Variants in PROC observed in about 807,000 individuals in gnomAD.
PROC encodes the protein vitamin K-dependent protein C.
Under a neutral mutation model 36.3 loss-of-function variants are expected in PROC, and 22 were observed. The observed-to-expected ratio is 0.61, with a 90% CI of 0.43 to 0.86. The LOEUF (loss-of-function observed/expected upper bound fraction) is 0.86. PROC is among the 40% of genes least tolerant of loss of function. PROC has a pLI of 0.00. For missense variants in PROC, 526 were observed against 629.7 expected (o/e 0.84, Z 1.76); for synonymous variants, 218 against 244.5 (o/e 0.89, Z 1.01).
At chr2:127,424,460 A>G (rs938492932) in intron 6 of PROC, among the ~76,000 whole-genome samples, 46 of 152,282 alleles carry the variant, frequency 3.0e-4, no homozygotes, top group African/African-American at 1.1e-3. Flanking sequence ...TGGCCTCCTA[A>G]AGTGCTGGGA....
At chr2:127,427,492 A>T (rs1245872542) in intron 8 of PROC, among the ~76,000 whole-genome samples, 2 of 151,820 alleles carry the variant, frequency 1.3e-5, no homozygotes, top group Non-Finnish European at 1.5e-5. Flanking sequence ...GGCTACACAG[A>T]CCTTCACCTC....
intron 3 of PROC, among the ~76,000 whole-genome samples, chr2:127,422,058 C>T (rs1688128832): frequency 6.6e-6 from 1 of 152,186 alleles, no homozygotes; most frequent in Non-Finnish European, 1.5e-5. Context: ...CCCTGGGGAT[C>T]GCTTCAGCCA....
At chr2:127,419,187 C>G (rs1687944880) in intron 1 of PROC, among the ~76,000 whole-genome samples, 1 of 152,158 alleles carries the variant, frequency 6.6e-6, no homozygotes, top group Admixed American at 6.5e-5. Flanking sequence ...CAACGGAGAC[C>G]AGCAAGGGTT....
intron 8 of PROC, among the ~76,000 whole-genome samples, chr2:127,428,019 C>G (rs1195381364): frequency 6.6e-6 from 1 of 152,218 alleles, no homozygotes; most frequent in Non-Finnish European, 1.5e-5. Context: ...TGGTCTGTGT[C>G]TGGGGTTTCC....
intron 6 of PROC, chr2:127,423,697 C>A: frequency 2.2e-6 from 1 of 449,158 alleles, no homozygotes. Flanking sequence ...GAGCGCAAGC[C>A]CAGTGGTGGC....
rs113600011 is a variant in PROC, at chr2:127,425,720, TTGACTGAC to T, written c.536-350_536-343del. 6.5e-4 allele frequency among the ~76,000 whole-genome samples: 99 copies of T among 152,084 alleles called. 1 individual carries two copies. The highest frequency in any genetic ancestry group is 2.3e-3 in the African/African-American group (94 of 41,444). ...TCTTGCCATTGGGTGGTACTGTTTG[TTGACTGAC>T]TGACTGACTGACTGGAGGGGGTTTG... On this transcript the variant is annotated intron_variant, in intron 6 of 8. Transcript: ENST00000234071.
intron 7 of PROC, 51 bp from the exon 8 acceptor site, chr2:127,427,054 G>A (rs1688550551): frequency 1.3e-6 from 2 of 1,488,576 alleles, no homozygotes; most frequent in African/African-American, 1.4e-5. Flanking sequence ...GCCCTGGACT[G>A]GAGGCTGTCA....
chr2:127,421,213 G>T, intron 2 of PROC, 70 bp from the exon 3 acceptor site: 1 of 1,524,074 alleles, frequency 6.6e-7, no homozygotes, highest in African/African-American at 1.4e-5. Context: ...TGCTTCCTCA[G>T]ACCCCCTCAT....
intron 5 of PROC, 46 bp from the exon 6 acceptor site, chr2:127,423,228 G>A (rs2104953948): frequency 6.5e-7 from 1 of 1,527,654 alleles, no homozygotes; most frequent in African/African-American, 1.4e-5. Flanking sequence ...GCCGGGTTGG[G>A]GGCGCGGCAC....
At chr2:127,423,217 G>A (rs900720406) in intron 5 of PROC, 46 bp downstream of exon 5, 1 of 1,521,276 alleles carries the variant, frequency 6.6e-7, no homozygotes, top group Non-Finnish European at 8.8e-7. Context: ...GCGGGGCTGG[G>A]GCCGGGTTGG....
At chr2:127,419,522 C>T (rs1232925881) in intron 1 of PROC, among the ~76,000 whole-genome samples, 17 of 152,206 alleles carry the variant, frequency 1.1e-4, no homozygotes, top group Admixed American at 1.1e-3. Flanking sequence ...GGAATTTGCA[C>T]CGTGCAGTCT....
At position 127,423,405 on chromosome 2, in the gene PROC, G is replaced by A. The variant is rs1254257945; in HGVS notation, c.532G>A (p.Ala178Thr). Residue 178 changes from alanine to threonine, a missense_variant, in exon 6 of 9, where the codon GCA becomes ACA. Transcript: ENST00000234071. ...LGDDLLQCHP[A>T]VKFPCGRPWK... ...GGACGACCTCCTGCAGTGTCACCCCGCAGGTGAGAAGCCCCCAATACATCG... is the reference window on the plus strand; with the variant it reads ...GGACGACCTCCTGCAGTGTCACCCCACAGGTGAGAAGCCCCCAATACATCG... 2 of 1,549,698 alleles carry A rather than the reference G, an allele frequency of 1.3e-6. No individual in the cohort carries two copies. Among genetic ancestry groups the A allele is most frequent in the Non-Finnish European group, 1.7e-6 (2 of 1,146,876 alleles).
chr2:127,425,683 G>A (rs954182797), intron 6 of PROC, among the ~76,000 whole-genome samples: 1 of 152,130 alleles, frequency 6.6e-6, no homozygotes, highest in Non-Finnish European at 1.5e-5. Flanking sequence ...GGGCGATGCT[G>A]CCTGGCCTGA....
chr2:127,426,131 C>T lies in PROC; in HGVS notation c.582C>T (p.Arg194=), dbSNP rs1187649699. 6.2e-7 allele frequency: 1 copy of T among 1,614,094 alleles called. No homozygotes were observed. Among genetic ancestry groups the T allele is most frequent in the South Asian group, 1.1e-5 (1 of 91,086 alleles). ...GRPWKRMEKK[R]SHLKRDTEDQ... is the part of the protein sequence containing the mutation. ...CCTGGAAGCGGATGGAGAAGAAGCG[C>T]AGTCACCTGAAACGAGACACAGAAG... Residue 194 remains arginine, a synonymous_variant, in exon 7 of 9, where the codon CGC becomes CGT. Coordinates refer to ENST00000234071, the MANE Select transcript of PROC (RefSeq NM_000312.4). The surrounding 1 kb of genome is among the most constrained non-coding windows in gnomAD (Gnocchi z 7.0).
chr2:127,426,523 C>T lies in PROC; in HGVS notation c.678+296C>T. 1 of 461,380 alleles carries T rather than the reference C, an allele frequency of 2.2e-6. No individual in the cohort carries two copies. The highest frequency in any genetic ancestry group is 2.1e-5 in the South Asian group (1 of 47,364). The allele number at this position is 461,380 out of a possible 1,614,324, so 28.6% of individuals were successfully genotyped here. ...CTGCTGGCGGGATTTTAGGCAGAAG[C>T]CCTGCTGATGGGAGAGGGCTAGGAG... is the stretch of plus-strand genomic sequence containing the variant. On this transcript the variant is annotated intron_variant, in intron 7 of 8. Transcript: ENST00000234071. This position sits in a 1 kb window ranked among gnomAD's most constrained non-coding sequence, Gnocchi z 7.0.
At chr2:127,422,241 C>G (rs1688139803) in intron 3 of PROC, among the ~76,000 whole-genome samples, 1 of 152,242 alleles carries the variant, frequency 6.6e-6, no homozygotes. Flanking sequence ...ACCTCTTTCC[C>G]CAGTGGCCTC....
intron 1 of PROC, 23 bp from the exon 2 acceptor site, chr2:127,419,899 C>T (rs368232906): frequency 6.9e-5 from 111 of 1,613,574 alleles, no homozygotes; most frequent in Admixed American, 1.7e-4. Flanking sequence ...AGGCACTGCC[C>T]GGAGCTCAGA....
chr2:127,423,763 T>C lies in PROC; in HGVS notation c.535+355T>C, dbSNP rs533712117. ...GAGGCGTGCAGCGTCCTCCTCCATG[T>C]AGCCTGGCTGCGTTTTTCTCTGACG... On this transcript the variant is annotated intron_variant, in intron 6 of 8. Transcript: ENST00000234071. 2.4e-5 allele frequency: 7 copies of C among 294,600 alleles called. No homozygotes were observed. In the Admixed American group the frequency reaches 2.6e-4, roughly 11 times the overall value. 18.2% of individuals were successfully genotyped at this position (294,600 alleles called of 1,614,324 possible). A position where few individuals can be genotyped will look rare whatever the true frequency, so the allele number is the denominator to read the frequency against.
intron 6 of PROC, among the ~76,000 whole-genome samples, chr2:127,424,747 C>T (rs948605628): frequency 6.6e-6 from 1 of 152,342 alleles, no homozygotes; most frequent in African/African-American, 2.4e-5. Context: ...TTCCAGGAAG[C>T]TGCAAAGAAA....
Sources: allele counts gnomAD v4.1 joint callset (sites outside exome capture counted in the v4.1 genomes callset), GRCh38; gene constraint gnomAD v4.1.1; non-coding constraint Gnocchi (gnomAD v3.1); transcripts MANE v1.5; gene names NCBI Gene and HGNC (gene_info 2026-07-23, HGNC 2026-07-21).